Variants in PAK5 observed in about 807,000 individuals in gnomAD.
PAK5 encodes p21 (RAC1) activated kinase 5.
PAK5 carries 16 observed loss-of-function variants against 65.9 expected under a neutral mutation model. The ratio of observed to expected loss-of-function variants is 0.24; its 90% CI spans 0.16 to 0.37. The LOEUF (loss-of-function observed/expected upper bound fraction) is 0.37. PAK5 is among the 10% of genes least tolerant of loss of function. The probability of loss-of-function intolerance (pLI) is 1.00; values close to 1 mark genes in which losing one functional copy is unlikely to be tolerated. For synonymous variants in PAK5, 371 were observed against 354.9 expected (o/e 1.05, Z -0.51); for missense variants, 785 against 903.9 (o/e 0.87, Z 1.69).
chr20:9,595,116 C>T (rs6056727), intron 3 of PAK5, among the ~76,000 whole-genome samples: 1 of 149,130 alleles, frequency 6.7e-6, no homozygotes, highest in Non-Finnish European at 1.5e-5. Context: ...TACACATATA[C>T]ATATATATAG....
At chr20:9,652,456 C>CA (rs368020378) in intron 2 of PAK5, among the ~76,000 whole-genome samples, 30 of 152,284 alleles carry the variant, frequency 2.0e-4, no homozygotes, top group African/African-American at 6.7e-4. Context: ...CATTATGTGT[C>CA]AAAGTTGTTA....
chr20:9,636,545 C>A (rs2046985437), intron 3 of PAK5, among the ~76,000 whole-genome samples: 1 of 152,090 alleles, frequency 6.6e-6, no homozygotes, highest in African/African-American at 2.4e-5. Flanking sequence ...TCAGAGCCAG[C>A]TTTGTATTGG....
intron 4 of PAK5, among the ~76,000 whole-genome samples, chr20:9,579,228 C>T (rs1327483088): frequency 2.0e-5 from 3 of 152,192 alleles, no homozygotes; most frequent in Non-Finnish European, 4.4e-5. Context: ...GTCCCTCTCA[C>T]CTGCTTCAAG....
chr20:9,817,112 TCTCTAAAACTAA>T (rs1185594249), intron 1 of PAK5, among the ~76,000 whole-genome samples: 1 of 152,066 alleles, frequency 6.6e-6, no homozygotes, highest in South Asian at 2.1e-4. Flanking sequence ...TGAGATCCTG[TCTCTAAAACTAA>T]CTACATGAAT....
At chr20:9,828,326 G>A (rs1320944485) in intron 1 of PAK5, among the ~76,000 whole-genome samples, 1 of 152,126 alleles carries the variant, frequency 6.6e-6, no homozygotes, top group East Asian at 1.9e-4. Flanking sequence ...ATTTTTGTTT[G>A]TCTGTTTCTC....
intron 9 of PAK5, among the ~76,000 whole-genome samples, chr20:9,540,596 T>C (rs1217438784): frequency 6.6e-6 from 1 of 152,250 alleles, no homozygotes; most frequent in Admixed American, 6.5e-5. Context: ...ATACCACACA[T>C]TATCCATTTG....
At chr20:9,550,084 C>T (rs1385830188) in intron 7 of PAK5, among the ~76,000 whole-genome samples, 4 of 152,178 alleles carry the variant, frequency 2.6e-5, no homozygotes, top group African/African-American at 9.7e-5. Flanking sequence ...TCCATGGAGA[C>T]ACGGCGCTAT....
At position 9,776,417 on chromosome 20, in the gene PAK5, C is replaced by T. The variant is rs183846881; in HGVS notation, c.-162+62345G>A. ...TCCTTGCACTGTGGGAGCTTATATT[C>T]TAATGGGGAGTATGGTGGCTTTAAG... On this transcript the variant is annotated intron_variant, in intron 1 of 9. Coordinates refer to ENST00000353224, the MANE Select transcript of PAK5 (RefSeq NM_177990.4). Among the ~76,000 whole-genome samples, 10 of 152,304 alleles carry T rather than the reference C, an allele frequency of 6.6e-5. No homozygotes were observed. In the East Asian group the frequency reaches 1.4e-3, roughly 21 times the overall value.
chr20:9,588,618 A>C (rs754120745), intron 3 of PAK5, among the ~76,000 whole-genome samples: 4 of 152,220 alleles, frequency 2.6e-5, no homozygotes, highest in Non-Finnish European at 5.9e-5. Flanking sequence ...CCAAACATGC[A>C]GAGTTTTCCA....
At chr20:9,798,669 G>C (rs1051924099) in intron 1 of PAK5, among the ~76,000 whole-genome samples, 10 of 152,132 alleles carry the variant, frequency 6.6e-5, no homozygotes, top group African/African-American at 2.4e-5. Flanking sequence ...TAGCTTCCTA[G>C]AATTTCCAGG....
chr20:9,718,240 T>C (rs2048173032), intron 1 of PAK5, among the ~76,000 whole-genome samples: 1 of 152,112 alleles, frequency 6.6e-6, no homozygotes, highest in Admixed American at 6.5e-5. Context: ...AAGGAAGATT[T>C]ACTATCAGCT....
chr20:9,741,039 G>T (rs1399694286), intron 1 of PAK5, among the ~76,000 whole-genome samples: 1 of 152,160 alleles, frequency 6.6e-6, no homozygotes, highest in African/African-American at 2.4e-5. Context: ...ATCACAGAAT[G>T]CACTGTCAAA....
intron 4 of PAK5, 72 bp downstream of exon 4, chr20:9,580,072 TA>T: frequency 7.7e-7 from 1 of 1,290,758 alleles, no homozygotes; most frequent in Non-Finnish European, 1.1e-6. Flanking sequence ...TCCAATCGTA[TA>T]AAAAGGTCGT....
intron 1 of PAK5, among the ~76,000 whole-genome samples, chr20:9,759,541 G>C (rs1435414903): frequency 6.6e-6 from 1 of 152,202 alleles, no homozygotes; most frequent in Non-Finnish European, 1.5e-5. Flanking sequence ...TTCAGAGTCA[G>C]TAGGTGAGGA....
chr20:9,610,131 G>A (rs1440496393), intron 3 of PAK5, among the ~76,000 whole-genome samples: 7 of 152,158 alleles, frequency 4.6e-5, no homozygotes, highest in Admixed American at 3.3e-4. Context: ...CTTCCTGAAA[G>A]TATCTTGGTG....
rs754435525 is a variant in PAK5, at chr20:9,665,085, G to GTTTTTTTTTTTTTTTT, written c.-11-20747_-11-20746insAAAAAAAAAAAAAAAA. On this transcript the variant is annotated intron_variant, in intron 2 of 9. Transcript: ENST00000353224. Reference sequence around the variant, plus strand: ...CCACCATGCCCAGCTAAATTTTTCTGTTTTTTTTTTTTTTTGTAGTGATGA... The same window carrying GTTTTTTTTTTTTTTTT: ...CCACCATGCCCAGCTAAATTTTTCTGTTTTTTTTTTTTTTTTTTTTTTTTTTTTTTTGTAGTGATGA... Among the ~76,000 whole-genome samples, 525 of 98,816 alleles carry GTTTTTTTTTTTTTTTT rather than the reference G, an allele frequency of 5.3e-3. 43 individuals are homozygous for GTTTTTTTTTTTTTTTT. Among genetic ancestry groups the GTTTTTTTTTTTTTTTT allele is most frequent in the East Asian group, 0.013 (35 of 2,620 alleles). 64.8% of individuals were successfully genotyped at this position (98,816 alleles called of 152,430 possible). A position where few individuals can be genotyped will look rare whatever the true frequency, so the allele number is the denominator to read the frequency against.
At chr20:9,725,619 A>C (rs1329369576) in intron 1 of PAK5, among the ~76,000 whole-genome samples, 1 of 152,206 alleles carries the variant, frequency 6.6e-6, no homozygotes, top group Non-Finnish European at 1.5e-5. Flanking sequence ...AAATTTAATT[A>C]ATGAAGAAAA....
intron 1 of PAK5, among the ~76,000 whole-genome samples, chr20:9,772,462 C>T (rs76724097): frequency 0.36 from 36,765 of 100,988 alleles, 4,683 homozygotes; most frequent in Middle Eastern, 0.48. Flanking sequence ...GGATGTATGC[C>T]ATTGGTCAGA....
chr20:9,817,159 A>G (rs867362379), intron 1 of PAK5, among the ~76,000 whole-genome samples: 3 of 152,126 alleles, frequency 2.0e-5, no homozygotes, highest in Non-Finnish European at 4.4e-5. Flanking sequence ...AAAAATAAAG[A>G]ATTATGTAAA....
Sources: allele counts gnomAD v4.1 joint callset (sites outside exome capture counted in the v4.1 genomes callset), GRCh38; gene constraint gnomAD v4.1.1; transcripts MANE v1.5; gene names NCBI Gene and HGNC (gene_info 2026-07-23, HGNC 2026-07-21).